The following CHST15 variants were observed in gnomAD, a reference collection of about 807,000 sequenced individuals.
CHST15 encodes B cell RAG associated protein (GALNAC4S-6ST).
Under a neutral mutation model 53.6 loss-of-function variants are expected in CHST15, and 30 were observed. The ratio of observed to expected loss-of-function variants is 0.56; its 90% CI spans 0.42 to 0.76. The LOEUF (loss-of-function observed/expected upper bound fraction) is 0.76. CHST15 is among the 30% of genes least tolerant of loss of function. CHST15 has a pLI of 0.00. For missense variants in CHST15, 627 were observed against 740.5 expected (o/e 0.85, Z 1.78); for synonymous variants, 296 against 289.8 (o/e 1.02, Z -0.22).
rs1482298801 is a variant in CHST15, at chr10:124,038,531, T to C, written c.1174A>G (p.Arg392Gly). 1.9e-6 allele frequency: 3 copies of C among 1,614,246 alleles called. No individual in the cohort carries two copies. In the South Asian group the frequency reaches 3.3e-5, roughly 18 times the overall value. Reference sequence around the variant, plus strand: ...ACTGCTCACCTCTCCACAGGGTCCCTGAGCATGACAATCAGTCTGGCATTT... The same window carrying C: ...ACTGCTCACCTCTCCACAGGGTCCCCGAGCATGACAATCAGTCTGGCATTT... ...QPNARLIVML[R>G]DPVERLYSDY... Residue 392 changes from arginine to glycine, a missense_variant, in exon 5 of 8, where the codon AGG becomes GGG. Arg to Gly is a moderately radical substitution (Grantham distance 125, BLOSUM62 -2). Around this residue, in one of 3 missense-constraint regions of CHST15, gnomAD observed 279 missense variants for 371.6 expected, o/e 0.75. Coordinates refer to ENST00000435907, the MANE Select transcript of CHST15 (RefSeq NM_001270764.2).
chr10:124,084,916 C>T (rs992554827), intron 1 of CHST15, among the ~76,000 whole-genome samples: 7 of 152,214 alleles, frequency 4.6e-5, no homozygotes, highest in Admixed American at 3.3e-4. Flanking sequence ...CCGCCCTGAG[C>T]CGCTGCAGCT....
At chr10:124,078,038 G>C (rs966710982) in intron 1 of CHST15, among the ~76,000 whole-genome samples, 11 of 152,234 alleles carry the variant, frequency 7.2e-5, no homozygotes, top group African/African-American at 2.7e-4. Context: ...TTTGGATGTT[G>C]CTTGGGTGTT....
intron 1 of CHST15, among the ~76,000 whole-genome samples, chr10:124,051,922 T>C (rs116112844): frequency 0.028 from 4,211 of 152,266 alleles, 88 homozygotes; most frequent in Admixed American, 0.049. Context: ...TTATTGTAGC[T>C]ATAAGCTGAT....
intron 5 of CHST15, among the ~76,000 whole-genome samples, chr10:124,025,683 G>C (rs1298163790): frequency 6.6e-6 from 1 of 152,200 alleles, no homozygotes; most frequent in Admixed American, 6.5e-5. Flanking sequence ...GGTCTTTGCA[G>C]ATGTCATTAA....
chr10:124,049,648 G>A (rs1013771865), intron 1 of CHST15, among the ~76,000 whole-genome samples: 2 of 152,150 alleles, frequency 1.3e-5, no homozygotes, highest in African/African-American at 2.4e-5. Flanking sequence ...AAGAGGGCAT[G>A]GAAGCTCCAC....
chr10:124,044,888 G>A lies in CHST15; in HGVS notation c.578C>T (p.Pro193Leu). The part of the protein sequence containing the change: ...MFSVIPNKFL[P>L]NSKSPCWYEE... Reference sequence around the variant, plus strand: ...GTACCAACAGGGGCTCTTACTGTTTGGAAGGAATTTGTTGGGGATGACTGA... The same window carrying A: ...GTACCAACAGGGGCTCTTACTGTTTAGAAGGAATTTGTTGGGGATGACTGA... The change falls in exon 3 of 8, where the codon CCA (proline) becomes CTA (leucine). Residue 193 changes from proline (P) to leucine (L), a missense_variant. Transcript: ENST00000435907. 1.4e-6 allele frequency: 2 copies of A among 1,453,336 alleles called. No homozygotes were observed. The highest frequency in any genetic ancestry group is 1.8e-6 in the Non-Finnish European group (2 of 1,099,472). 90.0% of individuals were successfully genotyped at this position (1,453,336 alleles called of 1,614,324 possible).
At chr10:124,078,495 T>C (rs1949144892) in intron 1 of CHST15, among the ~76,000 whole-genome samples, 1 of 152,258 alleles carries the variant, frequency 6.6e-6, no homozygotes, top group African/African-American at 2.4e-5. Flanking sequence ...GTCTGTCCTA[T>C]AAACCAAACT....
In CHST15 at chr10:124,068,944, CAAAG is replaced by C. The variant is rs1244383545; in HGVS notation, c.-512-22224_-512-22221del. Among the ~76,000 whole-genome samples, 7 of 152,234 alleles carry C rather than the reference CAAAG, an allele frequency of 4.6e-5. No homozygotes were observed. The East Asian group carries it at 1.4e-3, about 29-fold the overall frequency. ...TATGGTATTTTGGGCCCTAAGTATA[CAAAG>C]AAAGCATACAAGGAGATAATCGAAG... On this transcript the variant is annotated intron_variant, in intron 1 of 7. Transcript: ENST00000435907.
In CHST15 at chr10:124,038,678, AC is replaced by A. The variant is rs1238175864; in HGVS notation, c.1034-8del. ...GTGGAGGCACTGGCCTCCCCTGGAAACAGAAAACACTCCAAGTGAGCAGGGG... is the reference window on the plus strand; with the variant it reads ...GTGGAGGCACTGGCCTCCCCTGGAAAAGAAAACACTCCAAGTGAGCAGGGG... On this transcript the variant is annotated splice_polypyrimidine_tract_variant and splice_region_variant and intron_variant, in intron 4 of 7. Coordinates refer to ENST00000435907, the MANE Select transcript of CHST15 (RefSeq NM_001270764.2). The A allele has an allele frequency of 2.5e-6, 4 of 1,613,622 alleles. No individual in the cohort carries two copies. The highest frequency in any genetic ancestry group is 1.3e-5 in the African/African-American group (1 of 74,936).
chr10:124,008,605 T>A lies in CHST15; in HGVS notation c.*1544A>T, dbSNP rs768120820. The A allele has an allele frequency of 2.9e-6, 3 of 1,032,004 alleles. No homozygotes were observed. In the African/African-American group the frequency reaches 5.1e-5, roughly 18 times the overall value. 63.9% of individuals were successfully genotyped at this position (1,032,004 alleles called of 1,614,324 possible). A position where few individuals can be genotyped will look rare whatever the true frequency, so the allele number is the denominator to read the frequency against. On this transcript the variant is annotated 3_prime_UTR_variant, in exon 8 of 8. Transcript: ENST00000435907. ...AACGGGCTGTGTGTCCCTTCTCTGA[T>A]GGCAGAAAGACAACACCAGCAGAAA... is the stretch of plus-strand genomic sequence containing the variant.
chr10:124,034,419 G>A (rs902526140), intron 5 of CHST15, among the ~76,000 whole-genome samples: 7 of 152,042 alleles, frequency 4.6e-5, no homozygotes, highest in African/African-American at 7.3e-5. Context: ...GCACCTGCAC[G>A]GTGCTGCTGT....
At chr10:124,063,978 CA>C (rs142648364) in intron 1 of CHST15, among the ~76,000 whole-genome samples, 2,210 of 152,216 alleles carry the variant, frequency 0.015, 83 homozygotes, top group East Asian at 0.12. Flanking sequence ...AAAACTTGTT[CA>C]AAAAATAATA....
intron 6 of CHST15, among the ~76,000 whole-genome samples, chr10:124,014,099 G>A (rs1946507427): frequency 6.6e-6 from 1 of 152,198 alleles, no homozygotes; most frequent in Admixed American, 6.5e-5. Context: ...CATACATGCA[G>A]CACTTCCTGG....
chr10:124,039,455 G>C (rs1162311539), intron 4 of CHST15, among the ~76,000 whole-genome samples: 1 of 152,246 alleles, frequency 6.6e-6, no homozygotes, highest in African/African-American at 2.4e-5. Flanking sequence ...AGCTGTAACT[G>C]TTCATCACAG....
In CHST15 at chr10:124,008,428, C is replaced by T; in HGVS notation, c.*1721G>A. ...TCTCTCCCTAAAGCATCCTTGTGCTCAGGCCAGATTTCCCTGCTGGCGGCT... is the reference window on the plus strand; with the variant it reads ...TCTCTCCCTAAAGCATCCTTGTGCTTAGGCCAGATTTCCCTGCTGGCGGCT... On this transcript the variant is annotated 3_prime_UTR_variant, in exon 8 of 8. Coordinates refer to ENST00000435907, the MANE Select transcript of CHST15 (RefSeq NM_001270764.2). 2.0e-6 allele frequency: 2 copies of T among 993,952 alleles called. No homozygotes were observed. The highest frequency in any genetic ancestry group is 4.6e-5 in the South Asian group (1 of 21,932). 61.6% of individuals were successfully genotyped at this position (993,952 alleles called of 1,614,324 possible).
At position 124,009,909 on chromosome 10, in the gene CHST15, A is replaced by G; in HGVS notation, c.*240T>C. On this transcript the variant is annotated 3_prime_UTR_variant, in exon 8 of 8. Transcript: ENST00000435907. ...TCCAGGACGCTCAGAGCAGAGCTGA[A>G]TTCTTGAGAAACTGGGGTCTCCAAT... 1 of 1,344,046 alleles carries G rather than the reference A, an allele frequency of 7.4e-7. No homozygotes were observed. The highest frequency in any genetic ancestry group is 9.6e-7 in the Non-Finnish European group (1 of 1,045,116). 83.3% of individuals were successfully genotyped at this position (1,344,046 alleles called of 1,614,324 possible). A position where few individuals can be genotyped will look rare whatever the true frequency, so the allele number is the denominator to read the frequency against.
At chr10:124,079,816 CAA>C (rs1027451427) in intron 1 of CHST15, among the ~76,000 whole-genome samples, 1 of 152,222 alleles carries the variant, frequency 6.6e-6, no homozygotes, top group African/African-American at 2.4e-5. Context: ...GCCAAATCAG[CAA>C]ACAGTTTTCC....
intron 1 of CHST15, among the ~76,000 whole-genome samples, chr10:124,064,591 C>T (rs1395023725): frequency 1.3e-5 from 2 of 152,142 alleles, no homozygotes; most frequent in Admixed American, 6.5e-5. Flanking sequence ...GCCCTGAGCC[C>T]CTCTTCGTTG....
In CHST15 at chr10:124,046,445, G is replaced by C; in HGVS notation, c.-233C>G. 2.2e-6 allele frequency: 1 copy of C among 462,086 alleles called. No individual in the cohort carries two copies. The highest frequency in any genetic ancestry group is 3.8e-6 in the Non-Finnish European group (1 of 264,118). The allele number at this position is 462,086 out of a possible 1,614,324, so 28.6% of individuals were successfully genotyped here. A position where few individuals can be genotyped will look rare whatever the true frequency, so the allele number is the denominator to read the frequency against. On this transcript the variant is annotated 5_prime_UTR_variant, in exon 2 of 8. Transcript: ENST00000435907. ...AAAGGAAGTGATGTCCCAGAGTCATGTTCTACAAGAGCCGCTGCAACCTCA... is the reference window on the plus strand; with the variant it reads ...AAAGGAAGTGATGTCCCAGAGTCATCTTCTACAAGAGCCGCTGCAACCTCA...
Sources: allele counts gnomAD v4.1 joint callset (sites outside exome capture counted in the v4.1 genomes callset), GRCh38; gene constraint gnomAD v4.1.1; regional missense constraint gnomAD v4.1.1; transcripts MANE v1.5; gene names NCBI Gene and HGNC (gene_info 2026-07-23, HGNC 2026-07-21).